ELF5: variants seen among roughly 807,000 people sequenced by gnomAD.
ELF5 encodes the protein E74 like ETS transcription factor 5.
Under a neutral mutation model 38.2 loss-of-function variants are expected in ELF5, and 31 were observed. The ratio of observed to expected loss-of-function variants is 0.81; its 90% CI spans 0.61 to 1.10. The LOEUF (loss-of-function observed/expected upper bound fraction) is 1.10, where lower values mean the gene tolerates loss of function less well. ELF5 is among the 50% of genes least tolerant of loss of function. The pLI, the probability that ELF5 is intolerant of heterozygous loss-of-function variation, is 0.00. For synonymous variants in ELF5, 121 were observed against 112.5 expected (o/e 1.08, Z -0.48); for missense variants, 300 against 306.6 (o/e 0.98, Z 0.16).
intron 1 of ELF5, among the ~76,000 whole-genome samples, chr11:34,507,379 G>A (rs191589513): frequency 2.0e-5 from 3 of 152,356 alleles, no homozygotes; most frequent in Non-Finnish European, 2.9e-5. Context: ...CATTTCATAG[G>A]TGAGGGATGG....
intron 2 of ELF5, among the ~76,000 whole-genome samples, chr11:34,502,877 G>A (rs1306668898): frequency 1.3e-5 from 2 of 152,170 alleles, no homozygotes; most frequent in African/African-American, 4.8e-5. Flanking sequence ...GCAATGGCCT[G>A]GTCTAACCTT....
intron 3 of ELF5, 88 bp downstream of exon 3, chr11:34,493,391 C>G: frequency 7.8e-7 from 1 of 1,280,184 alleles, no homozygotes; most frequent in Non-Finnish European, 1.1e-6. Context: ...TTTTGCTGTG[C>G]AATTCACACG....
intron 2 of ELF5, among the ~76,000 whole-genome samples, chr11:34,497,383 C>T (rs1850344600): frequency 6.6e-6 from 1 of 152,210 alleles, no homozygotes; most frequent in African/African-American, 2.4e-5. Flanking sequence ...TATTAAGCAG[C>T]AGGCTCTGCC....
At chr11:34,510,377 C>G (rs1850723206) in intron 1 of ELF5, among the ~76,000 whole-genome samples, 1 of 151,228 alleles carries the variant, frequency 6.6e-6, no homozygotes, top group Non-Finnish European at 1.5e-5. Flanking sequence ...CCACAAAAGA[C>G]CTTGGCTACT....
chr11:34,481,063 C>T (rs1856931880), intron 5 of ELF5, 96 bp from the exon 6 acceptor site: 4 of 1,042,986 alleles, frequency 3.8e-6, no homozygotes, highest in Admixed American at 3.6e-5. Context: ...TGCTCTGTCG[C>T]CCAGGCTGGA....
intron 1 of ELF5, among the ~76,000 whole-genome samples, chr11:34,509,437 C>T (rs1850697139): frequency 6.6e-6 from 1 of 152,176 alleles, no homozygotes; most frequent in South Asian, 2.1e-4. Flanking sequence ...GGCCATCACC[C>T]AAGAGTTTCC....
intron 4 of ELF5, among the ~76,000 whole-genome samples, chr11:34,489,629 C>T (rs997830629): frequency 5.9e-5 from 9 of 152,084 alleles, no homozygotes; most frequent in African/African-American, 1.7e-4. Context: ...CATTATGAAC[C>T]ACAAGGCTTC....
rs769142444 is a variant in ELF5, at chr11:34,480,819, C to T, written c.624G>A (p.Arg208=). The T allele has an allele frequency of 6.8e-6, 11 of 1,613,902 alleles. No individual in the cohort carries two copies. The highest frequency in any genetic ancestry group is 2.2e-5 in the South Asian group (2 of 91,066). Residue 208 remains arginine (R), a synonymous_variant, in exon 6 of 7, where the codon AGG becomes AGA. Transcript: ENST00000257832. The part of the protein sequence containing the change: ...SEALAKMWGQ[R]KKNDRMTYEK... Reference sequence around the variant, plus strand: ...CATATGTCATTCTGTCATTTTTCTTCCTTTGTCCCCACATCTTTGCCAGGG... The same window carrying T: ...CATATGTCATTCTGTCATTTTTCTTTCTTTGTCCCCACATCTTTGCCAGGG...
At chr11:34,509,165 A>C (rs890862785) in intron 1 of ELF5, among the ~76,000 whole-genome samples, 1 of 152,178 alleles carries the variant, frequency 6.6e-6, no homozygotes, top group Non-Finnish European at 1.5e-5. Context: ...CCCCGTCTCC[A>C]CTAAAAACAC....
intron 1 of ELF5, among the ~76,000 whole-genome samples, chr11:34,512,077 C>T (rs984693891): frequency 1.3e-5 from 2 of 152,152 alleles, no homozygotes; most frequent in African/African-American, 2.4e-5. Flanking sequence ...ATGTCCACTC[C>T]GTCCCAAGAC....
intron 4 of ELF5, among the ~76,000 whole-genome samples, chr11:34,487,685 C>G (rs1295028146): frequency 6.6e-6 from 1 of 152,106 alleles, no homozygotes; most frequent in Non-Finnish European, 1.5e-5. Flanking sequence ...TCTGCTGATG[C>G]TGCTGAGACT....
At chr11:34,511,667 G>C in intron 1 of ELF5, 4 of 1,497,508 alleles carry the variant, frequency 2.7e-6, no homozygotes, top group Non-Finnish European at 3.7e-6. Flanking sequence ...CCGAGTTGGA[G>C]GGACAGGCCT....
At chr11:34,507,779 G>C (rs938039444) in intron 1 of ELF5, among the ~76,000 whole-genome samples, 3 of 152,094 alleles carry the variant, frequency 2.0e-5, no homozygotes, top group African/African-American at 7.2e-5. Flanking sequence ...TTCTTTCCTC[G>C]TTTTGCAAAG....
chr11:34,493,303 T>C, intron 3 of ELF5, 176 bp downstream of exon 3: 3 of 660,176 alleles, frequency 4.5e-6, no homozygotes, highest in Non-Finnish European at 7.8e-6. Flanking sequence ...CGCTCCCTTT[T>C]CCCTAAAATC....
chr11:34,507,806 A>G (rs1361602194), intron 1 of ELF5, among the ~76,000 whole-genome samples: 2 of 152,260 alleles, frequency 1.3e-5, no homozygotes, highest in Admixed American at 6.5e-5. Flanking sequence ...TAGCTGCTCA[A>G]GATCACACCA....
chr11:34,501,115 G>A (rs562374375), intron 2 of ELF5, among the ~76,000 whole-genome samples: 32 of 152,364 alleles, frequency 2.1e-4, no homozygotes, highest in South Asian at 1.0e-3. Context: ...AAGTGGCAGA[G>A]CTAGGAGTGG....
chr11:34,498,615 C>T (rs7130331), intron 2 of ELF5, among the ~76,000 whole-genome samples: 20,041 of 152,082 alleles, frequency 0.13, 1,468 homozygotes, highest in Admixed American at 0.21. Context: ...TGAAACTGAG[C>T]AGAGGAGAGG....
rs756406296 is a variant in ELF5 at position 34,489,970 on chromosome 11, C to T, written c.406+39G>A. ...GTCAAGCCCATGTACCAATGACAAC[C>T]TTGACAGAGCCTTGGGTGGCTTGCG... On this transcript the variant is annotated intron_variant, in intron 4 of 6. Transcript: ENST00000257832. The T allele has an allele frequency of 1.1e-5, 18 of 1,612,324 alleles. No individual in the cohort carries two copies. The East Asian group carries it at 3.8e-4, about 34-fold the overall frequency.
intron 2 of ELF5, among the ~76,000 whole-genome samples, chr11:34,499,782 AG>A (rs1417746937): frequency 1.3e-5 from 2 of 152,186 alleles, no homozygotes; most frequent in African/African-American, 4.8e-5. Context: ...TTGGAGTGGA[AG>A]GGACCTTCCA....
Sources: gnomAD v4.1 joint callset for allele counts (sites outside exome capture counted in the v4.1 genomes callset) on GRCh38, gnomAD v4.1.1 for gene constraint, MANE v1.5 for transcripts, NCBI Gene and HGNC (gene_info 2026-07-23, HGNC 2026-07-21) for gene names.